Variants in KHDRBS2 observed in about 807,000 individuals in gnomAD.
KHDRBS2 encodes KH domain-containing, RNA-binding, signal transduction-associated protein 2.
KHDRBS2 carries 26 observed loss-of-function variants against 44.3 expected under a neutral mutation model. The observed-to-expected ratio is 0.59, with a 90% CI of 0.43 to 0.81. KHDRBS2 has a LOEUF of 0.81. KHDRBS2 is among the 40% of genes least tolerant of loss of function. The pLI, the probability that KHDRBS2 is intolerant of heterozygous loss-of-function variation, is 0.00. For missense variants in KHDRBS2, 476 were observed against 433.1 expected (o/e 1.10, Z -0.88); for synonymous variants, 194 against 151.1 (o/e 1.28, Z -2.08).
At chr6:61,555,877 T>C in the KHDRBS2 span, among the ~76,000 whole-genome samples, 1 of 152,194 alleles carries the variant, frequency 6.6e-6, no homozygotes, top group South Asian at 2.1e-4. Flanking sequence ...CCACTGAGGT[T>C]GGGAACCTGC....
chr6:62,033,065 A>G (rs1784634702), intron 3 of KHDRBS2, among the ~76,000 whole-genome samples: 1 of 151,938 alleles, frequency 6.6e-6, no homozygotes, highest in African/African-American at 2.4e-5. Flanking sequence ...GAAAAATGTA[A>G]CTGGCATACT....
intron 8 of KHDRBS2, among the ~76,000 whole-genome samples, chr6:61,696,478 C>T (rs898409092): frequency 6.6e-6 from 1 of 151,728 alleles, no homozygotes; most frequent in African/African-American, 2.4e-5. Context: ...AAGATGGTCT[C>T]ACTCTCCTGA....
chr6:61,829,739 A>G (rs1395028824), intron 6 of KHDRBS2, among the ~76,000 whole-genome samples: 2 of 152,186 alleles, frequency 1.3e-5, no homozygotes, highest in Admixed American at 6.5e-5. Context: ...TAATAGTGAT[A>G]TATCAATGTA....
intron 6 of KHDRBS2, among the ~76,000 whole-genome samples, chr6:61,854,133 A>T (rs1795832221): frequency 2.0e-5 from 2 of 101,464 alleles, no homozygotes; most frequent in Admixed American, 9.0e-5. Context: ...GAATTCTGAA[A>T]ATTTTGAAAA....
At chr6:62,282,953 A>G (rs192189252) in intron 1 of KHDRBS2, among the ~76,000 whole-genome samples, 3 of 152,242 alleles carry the variant, frequency 2.0e-5, no homozygotes, top group Admixed American at 1.3e-4. Flanking sequence ...AAATCTAGGT[A>G]TCTAGATTCA....
chr6:61,656,777 A>G, the KHDRBS2 span, among the ~76,000 whole-genome samples: 3 of 152,052 alleles, frequency 2.0e-5, no homozygotes, highest in South Asian at 2.1e-4. Flanking sequence ...GATTAAAATT[A>G]CGGTTGTATT....
the KHDRBS2 span, chr6:61,652,389 TG>T: frequency 6.6e-6 from 1 of 152,008 alleles, no homozygotes; most frequent in Non-Finnish European, 1.5e-5. Flanking sequence ...ATGTGATTTT[TG>T]TATGTATTAC....
At chr6:62,069,585 C>T (rs968189262) in intron 2 of KHDRBS2, among the ~76,000 whole-genome samples, 9 of 151,620 alleles carry the variant, frequency 5.9e-5, no homozygotes, top group Non-Finnish European at 1.2e-4. Flanking sequence ...GAAAAATACA[C>T]CAGAACTGTG....
At chr6:62,091,973 A>C (rs1260209258) in intron 2 of KHDRBS2, among the ~76,000 whole-genome samples, 1 of 152,190 alleles carries the variant, frequency 6.6e-6, no homozygotes, top group African/African-American at 2.4e-5. Context: ...AGGAGCCTTT[A>C]AGTGGATGCA....
At chr6:62,235,228 T>C (rs190169739) in intron 1 of KHDRBS2, among the ~76,000 whole-genome samples, 1 of 151,984 alleles carries the variant, frequency 6.6e-6, no homozygotes, top group African/African-American at 2.4e-5. Flanking sequence ...TATTTATACT[T>C]TGAACTCTGT....
intron 4 of KHDRBS2, among the ~76,000 whole-genome samples, chr6:61,926,502 G>A (rs1314845122): frequency 1.3e-5 from 2 of 151,976 alleles, no homozygotes; most frequent in East Asian, 1.9e-4. Flanking sequence ...AAACAAAAAC[G>A]GACCAATTCA....
chr6:61,554,426 G>A, the KHDRBS2 span, among the ~76,000 whole-genome samples: 7 of 151,920 alleles, frequency 4.6e-5, no homozygotes, highest in African/African-American at 1.7e-4. Context: ...GTCTCTTGAA[G>A]ACAACAAACC....
At chr6:62,053,928 A>T (rs187115237) in intron 2 of KHDRBS2, among the ~76,000 whole-genome samples, 55 of 152,118 alleles carry the variant, frequency 3.6e-4, no homozygotes, top group African/African-American at 9.6e-4. Flanking sequence ...ATAATTAGAG[A>T]ATTTTTTTAA....
intron 6 of KHDRBS2, among the ~76,000 whole-genome samples, chr6:61,811,879 C>G (rs965587549): frequency 6.6e-6 from 1 of 151,994 alleles, no homozygotes; most frequent in African/African-American, 2.4e-5. Context: ...ATGTACAATT[C>G]GGTTTACACT....
At chr6:61,783,795 T>C (rs1783389557) in intron 6 of KHDRBS2, among the ~76,000 whole-genome samples, 1 of 152,112 alleles carries the variant, frequency 6.6e-6, no homozygotes, top group Non-Finnish European at 1.5e-5. Flanking sequence ...ATAGTAGTCA[T>C]TACCTATATG....
At chr6:61,939,194 G>A (rs1427077850) in intron 4 of KHDRBS2, among the ~76,000 whole-genome samples, 1 of 152,076 alleles carries the variant, frequency 6.6e-6, no homozygotes, top group African/African-American at 2.4e-5. Flanking sequence ...TCGATGTAAT[G>A]GACTTTGCTC....
At chr6:61,641,434 C>G in the KHDRBS2 span, among the ~76,000 whole-genome samples, 2 of 152,110 alleles carry the variant, frequency 1.3e-5, no homozygotes, top group Non-Finnish European at 2.9e-5. Flanking sequence ...AATTGCAGGT[C>G]CCTGAAAATA....
At chr6:62,104,960 C>T (rs545154483) in intron 2 of KHDRBS2, among the ~76,000 whole-genome samples, 22 of 151,926 alleles carry the variant, frequency 1.4e-4, no homozygotes, top group Non-Finnish European at 3.1e-4. Context: ...GAAATGACAT[C>T]CTTATAGATT....
intron 7 of KHDRBS2, among the ~76,000 whole-genome samples, 187 bp from the exon 8 acceptor site, chr6:61,697,440 T>G (rs1768031809): frequency 2.0e-5 from 3 of 152,136 alleles, no homozygotes; most frequent in African/African-American, 7.2e-5. Context: ...GCTATGATTT[T>G]TTTTAATGCC....
Sources: allele counts gnomAD v4.1 joint callset (sites outside exome capture counted in the v4.1 genomes callset), GRCh38; gene constraint gnomAD v4.1.1; transcripts MANE v1.5; gene names NCBI Gene and HGNC (gene_info 2026-07-23, HGNC 2026-07-21).